The following C1QA variants were observed in gnomAD, a reference collection of about 807,000 sequenced individuals.
The protein encoded by C1QA is complement C1q subcomponent subunit A.
Under a neutral mutation model 6.9 loss-of-function variants are expected in C1QA, and 3 were observed. That is an observed-to-expected ratio of 0.44 (90% confidence interval 0.20 to 1.12). The LOEUF is 1.12. Among genes scored for constraint, C1QA ranks in the 50% most tolerant of loss-of-function variants. The probability of loss-of-function intolerance (pLI) is 0.27; values close to 1 mark genes in which losing one functional copy is unlikely to be tolerated. For synonymous variants in C1QA, 128 were observed against 134.1 expected (o/e 0.95, Z 0.31); for missense variants, 273 against 326.6 (o/e 0.84, Z 1.26).
At position 22,638,945 on chromosome 1, in the gene C1QA, A is replaced by T. The variant is rs172378; in HGVS notation, c.276A>T (p.Gly92=). 1 of 1,600,690 alleles carries T rather than the reference A, an allele frequency of 6.2e-7. No homozygotes were observed. Among genetic ancestry groups the T allele is most frequent in the South Asian group, 1.1e-5 (1 of 89,332 alleles). ...ACCCAGGGCCCAGCGGCCCCCTCGG[A>T]GCCCGTGGCATCCCGGGAATTAAAG... The part of the protein sequence containing the change: ...VGYPGPSGPL[G]ARGIPGIKGT... The change falls in exon 3 of 3, where the codon GGA becomes GGT. Residue 92 remains glycine (G), a synonymous_variant. Transcript: ENST00000374642.
rs199788933 is a variant in C1QA at position 22,639,442 on chromosome 1, T to C, written c.*35T>C. 6.1e-4 allele frequency: 983 copies of C among 1,605,006 alleles called. 5 individuals carry two copies. The African/African-American group carries it at 8.5e-3, about 14-fold the overall frequency. ...GGACCCCCTCCCCCACCCACCTCTC[T>C]GGCTTCCATGCTCCGCCTGTAAAAT... On this transcript the variant is annotated 3_prime_UTR_variant, in exon 3 of 3. Coordinates refer to ENST00000374642, the MANE Select transcript of C1QA (RefSeq NM_015991.4). This position sits in a 1 kb window ranked among gnomAD's most constrained non-coding sequence, Gnocchi z 4.6.
intron 2 of C1QA, among the ~76,000 whole-genome samples, chr1:22,638,527 C>A (rs1316492734): frequency 6.6e-6 from 1 of 152,180 alleles, no homozygotes; most frequent in Non-Finnish European, 1.5e-5. Flanking sequence ...AAGGTCAGTG[C>A]CCCAGAGGGG....
At chr1:22,638,773 T>C in intron 2 of C1QA, 60 bp from the exon 3 acceptor site, 1 of 1,527,986 alleles carries the variant, frequency 6.5e-7, no homozygotes, top group Non-Finnish European at 8.9e-7. Flanking sequence ...GGTCCAGCTC[T>C]CTCCCTGAGG....
chr1:22,639,227 C>T lies in C1QA; in HGVS notation c.558C>T (p.Ser186=). Reference sequence around the variant, plus strand: ...CCTCAAGGGGCCAGGTCCGACGCTCCCTGGGCTTCTGTGACACCACCAACA... The same window carrying T: ...CCTCAAGGGGCCAGGTCCGACGCTCTCTGGGCTTCTGTGACACCACCAACA... ...VSSSRGQVRR[S]LGFCDTTNKG... Residue 186 remains serine, a synonymous_variant, in exon 3 of 3, where the codon TCC becomes TCT. Coordinates refer to ENST00000374642, the MANE Select transcript of C1QA (RefSeq NM_015991.4). This position sits in a 1 kb window ranked among gnomAD's most constrained non-coding sequence, Gnocchi z 4.6. 6.2e-7 allele frequency: 1 copy of T among 1,614,250 alleles called. No homozygotes were observed. The highest frequency in any genetic ancestry group is 8.5e-7 in the Non-Finnish European group (1 of 1,180,040).
chr1:22,637,925 G>T lies in C1QA; in HGVS notation c.163+146G>T. ...TCTCCAGTTTGTACTTGGCCACAGGGGCTAAGGGAGGCCTAGCCTTCTCGG... is the reference window on the plus strand; with the variant it reads ...TCTCCAGTTTGTACTTGGCCACAGGTGCTAAGGGAGGCCTAGCCTTCTCGG... On this transcript the variant is annotated intron_variant, in intron 2 of 2. Coordinates refer to ENST00000374642, the MANE Select transcript of C1QA (RefSeq NM_015991.4). The surrounding 1 kb of genome is among the most constrained non-coding windows in gnomAD (Gnocchi z 4.4). The T allele has an allele frequency of 9.0e-7, 1 of 1,116,914 alleles. No individual in the cohort carries two copies. The highest frequency in any genetic ancestry group is 1.2e-6 in the Non-Finnish European group (1 of 805,308). The allele number at this position is 1,116,914 out of a possible 1,614,324, so 69.2% of individuals were successfully genotyped here.
Position 22,637,665 on chromosome 1 carries a change from C to G in C1QA, c.49C>G (p.Leu17Val), listed in dbSNP as rs1348079937. ...GGTGCTCTGTGTGCTGGCCATATCGCTGGCCTCTATGGTGACCGAGGACTT... is the reference window on the plus strand; with the variant it reads ...GGTGCTCTGTGTGCTGGCCATATCGGTGGCCTCTATGGTGACCGAGGACTT... ...WLVLCVLAISLASMVTEDLCR... is the reference protein window; with the variant it reads ...WLVLCVLAISVASMVTEDLCR... Residue 17 changes from leucine (L) to valine (V), a missense_variant, in exon 2 of 3, where the codon CTG (leucine) becomes GTG (valine). Coordinates refer to ENST00000374642, the MANE Select transcript of C1QA (RefSeq NM_015991.4). The surrounding 1 kb of genome is among the most constrained non-coding windows in gnomAD (Gnocchi z 4.4). The G allele has an allele frequency of 1.9e-6, 3 of 1,614,104 alleles. No individual in the cohort carries two copies. Among genetic ancestry groups the G allele is most frequent in the Non-Finnish European group, 2.5e-6 (3 of 1,179,982 alleles).
rs2148290187 is a variant in C1QA at position 22,637,809 on chromosome 1, T to A, written c.163+30T>A. The A allele has an allele frequency of 6.5e-7, 1 of 1,541,712 alleles. No homozygotes were observed. The highest frequency in any genetic ancestry group is 1.2e-5 in the South Asian group (1 of 83,214). On this transcript the variant is annotated intron_variant, in intron 2 of 2. Transcript: ENST00000374642. This position sits in a 1 kb window ranked among gnomAD's most constrained non-coding sequence, Gnocchi z 4.4. ...GCACCCTTCCTCGGGACCCAGCCCCTTGGACCTTGGCCTGACTTGGCCTCC... is the reference window on the plus strand; with the variant it reads ...GCACCCTTCCTCGGGACCCAGCCCCATGGACCTTGGCCTGACTTGGCCTCC...
intron 2 of C1QA, among the ~76,000 whole-genome samples, chr1:22,638,185 TAA>T (rs991275943): frequency 1.6e-4 from 24 of 152,192 alleles, no homozygotes; most frequent in Non-Finnish European, 3.5e-4. Flanking sequence ...TCTCTGAGCC[TAA>T]GTGGGCTCAT....
At position 22,638,739 on chromosome 1, in the gene C1QA, G is replaced by A. The variant is rs1303528254; in HGVS notation, c.164-94G>A. On this transcript the variant is annotated intron_variant, in intron 2 of 2. Coordinates refer to ENST00000374642, the MANE Select transcript of C1QA (RefSeq NM_015991.4). ...GTCCTGAAGGCCCAGGTGCTTCATT[G>A]CCCTTTATCCCATAGACTCAGGGGG... 2.9e-6 allele frequency: 4 copies of A among 1,399,294 alleles called. No homozygotes were observed. The East Asian group carries it at 7.5e-5, about 26-fold the overall frequency. The allele number at this position is 1,399,294 out of a possible 1,614,324, so 86.7% of individuals were successfully genotyped here. A position where few individuals can be genotyped will look rare whatever the true frequency, so the allele number is the denominator to read the frequency against.
chr1:22,637,800 C>A lies in C1QA; in HGVS notation c.163+21C>A, dbSNP rs1642205907. On this transcript the variant is annotated intron_variant, in intron 2 of 2. Transcript: ENST00000374642. This position sits in a 1 kb window ranked among gnomAD's most constrained non-coding sequence, Gnocchi z 4.4. Reference sequence around the variant, plus strand: ...GCCGGGTAAGCACCCTTCCTCGGGACCCAGCCCCTTGGACCTTGGCCTGAC... The same window carrying A: ...GCCGGGTAAGCACCCTTCCTCGGGAACCAGCCCCTTGGACCTTGGCCTGAC... 1 of 1,551,914 alleles carries A rather than the reference C, an allele frequency of 6.4e-7. No homozygotes were observed. The highest frequency in any genetic ancestry group is 2.0e-5 in the Admixed American group (1 of 51,154).
chr1:22,637,538 A>C lies in C1QA; in HGVS notation c.-7-72A>C. ...GGACTGTGCATATATCATTGTGTGC[A>C]TGGGACTCAAGGGTGGGAGCTGGGT... On this transcript the variant is annotated intron_variant, in intron 1 of 2. Coordinates refer to ENST00000374642, the MANE Select transcript of C1QA (RefSeq NM_015991.4). The surrounding 1 kb of genome is among the most constrained non-coding windows in gnomAD (Gnocchi z 4.4). The C allele has an allele frequency of 6.4e-7, 1 of 1,558,802 alleles. No individual in the cohort carries two copies. The highest frequency in any genetic ancestry group is 8.8e-7 in the Non-Finnish European group (1 of 1,139,762).
rs200333256 is a variant in C1QA, at chr1:22,639,441, C to G, written c.*34C>G. On this transcript the variant is annotated 3_prime_UTR_variant, in exon 3 of 3. Coordinates refer to ENST00000374642, the MANE Select transcript of C1QA (RefSeq NM_015991.4). This position sits in a 1 kb window ranked among gnomAD's most constrained non-coding sequence, Gnocchi z 4.6. ...AGGACCCCCTCCCCCACCCACCTCT[C>G]TGGCTTCCATGCTCCGCCTGTAAAA... is the stretch of plus-strand genomic sequence containing the variant. 6.2e-7 allele frequency: 1 copy of G among 1,606,504 alleles called. No homozygotes were observed. The highest frequency in any genetic ancestry group is 2.2e-5 in the East Asian group (1 of 44,840).
At chr1:22,638,769 G>C in intron 2 of C1QA, 64 bp from the exon 3 acceptor site, 3 of 1,518,600 alleles carry the variant, frequency 2.0e-6, no homozygotes, top group Non-Finnish European at 2.7e-6. Context: ...AGGGGGTCCA[G>C]CTCTCTCCCT....
At position 22,639,199 on chromosome 1, in the gene C1QA, C is replaced by T; in HGVS notation, c.530C>T (p.Ser177Phe). Residue 177 changes from serine (S) to phenylalanine (F), a missense_variant, in exon 3 of 3, where the codon TCC becomes TTC. Physicochemically the swap from Ser to Phe is radical, Grantham distance 155 (BLOSUM62 -2). Transcript: ENST00000374642. The surrounding 1 kb of genome is among the most constrained non-coding windows in gnomAD (Gnocchi z 4.6). ...SQWEICLSIV[S>F]SSRGQVRRSL... is the part of the protein sequence containing the mutation. ...TGGGAAATCTGCCTGTCCATCGTCT[C>T]CTCCTCAAGGGGCCAGGTCCGACGC... 1 of 1,614,256 alleles carries T rather than the reference C, an allele frequency of 6.2e-7. No individual in the cohort carries two copies. Among genetic ancestry groups the T allele is most frequent in the South Asian group, 1.1e-5 (1 of 91,092 alleles).
rs1160660497 is a variant in C1QA, at chr1:22,639,607, A to AC, written c.*200_*201insC. The stretch of plus-strand genomic sequence containing the variant: ...TAAACATCTGTGTCTGTGTCTGCTG[A>AC]ACATGAGCTTCAGTTGCTACTCGGA... On this transcript the variant is annotated 3_prime_UTR_variant, in exon 3 of 3. Transcript: ENST00000374642. The surrounding 1 kb of genome is among the most constrained non-coding windows in gnomAD (Gnocchi z 4.6). 3.2e-6 allele frequency: 2 copies of AC among 621,768 alleles called. No homozygotes were observed. The highest frequency in any genetic ancestry group is 2.9e-5 in the Admixed American group (1 of 34,050). 38.5% of individuals were successfully genotyped at this position (621,768 alleles called of 1,614,324 possible).
Position 22,639,335 on chromosome 1 carries a change from A to G in C1QA, c.666A>G (p.Lys222=), listed in dbSNP as rs771831280. ...GDQVWVEKDP[K]KGHIYQGSEA... ...AGGTCTGGGTTGAAAAAGACCCCAA[A>G]AAGGGTCACATTTACCAGGGCTCTG... The change falls in exon 3 of 3, where the codon AAA becomes AAG. Residue 222 remains lysine (K), a synonymous_variant. Coordinates refer to ENST00000374642, the MANE Select transcript of C1QA (RefSeq NM_015991.4). The surrounding 1 kb of genome is among the most constrained non-coding windows in gnomAD (Gnocchi z 4.6). 1 of 1,614,042 alleles carries G rather than the reference A, an allele frequency of 6.2e-7. No homozygotes were observed. The highest frequency in any genetic ancestry group is 1.1e-5 in the South Asian group (1 of 91,080).
Position 22,637,491 on chromosome 1 carries a change from A to C in C1QA, c.-7-119A>C. 1 of 1,268,982 alleles carries C rather than the reference A, an allele frequency of 7.9e-7. No homozygotes were observed. Among genetic ancestry groups the C allele is most frequent in the Non-Finnish European group, 1.1e-6 (1 of 896,064 alleles). The allele number at this position is 1,268,982 out of a possible 1,614,324, so 78.6% of individuals were successfully genotyped here. On this transcript the variant is annotated intron_variant, in intron 1 of 2. Transcript: ENST00000374642. This position sits in a 1 kb window ranked among gnomAD's most constrained non-coding sequence, Gnocchi z 4.4. ...TGAGAGTGGACATTGAGAGCCCCAG[A>C]GGGTGCATGTGCACTTGGGGAGGAC...
Position 22,639,233 on chromosome 1 carries a change from C to G in C1QA, c.564C>G (p.Gly188=). The stretch of plus-strand genomic sequence containing the variant: ...GGGGCCAGGTCCGACGCTCCCTGGG[C>G]TTCTGTGACACCACCAACAAGGGGC... ...SSRGQVRRSL[G]FCDTTNKGLF... The change falls in exon 3 of 3, where the codon GGC becomes GGG. Residue 188 remains glycine, a synonymous_variant. Coordinates refer to ENST00000374642, the MANE Select transcript of C1QA (RefSeq NM_015991.4). This position sits in a 1 kb window ranked among gnomAD's most constrained non-coding sequence, Gnocchi z 4.6. 10 of 1,614,246 alleles carry G rather than the reference C, an allele frequency of 6.2e-6. No individual in the cohort carries two copies. Among genetic ancestry groups the G allele is most frequent in the Non-Finnish European group, 8.5e-6 (10 of 1,180,044 alleles).
chr1:22,639,573 T>C lies in C1QA; in HGVS notation c.*166T>C, dbSNP rs1642238458. 2 of 697,200 alleles carry C rather than the reference T, an allele frequency of 2.9e-6. No individual in the cohort carries two copies. The highest frequency in any genetic ancestry group is 3.7e-5 in the South Asian group (2 of 53,976). The allele number at this position is 697,200 out of a possible 1,614,324, so 43.2% of individuals were successfully genotyped here. A position where few individuals can be genotyped will look rare whatever the true frequency, so the allele number is the denominator to read the frequency against. On this transcript the variant is annotated 3_prime_UTR_variant, in exon 3 of 3. Coordinates refer to ENST00000374642, the MANE Select transcript of C1QA (RefSeq NM_015991.4). The surrounding 1 kb of genome is among the most constrained non-coding windows in gnomAD (Gnocchi z 4.6). ...CTAAGAAGCTCGTTTCTTAGACCTCTTCCTGGAATAAACATCTGTGTCTGT... is the reference window on the plus strand; with the variant it reads ...CTAAGAAGCTCGTTTCTTAGACCTCCTCCTGGAATAAACATCTGTGTCTGT...
Sources: allele counts gnomAD v4.1 joint callset (sites outside exome capture counted in the v4.1 genomes callset), GRCh38; gene constraint gnomAD v4.1.1; non-coding constraint Gnocchi (gnomAD v3.1); transcripts MANE v1.5; gene names NCBI Gene and HGNC (gene_info 2026-07-23, HGNC 2026-07-21).